The following BCAS3 variants were observed in gnomAD, a reference collection of about 807,000 sequenced individuals.
BCAS3 encodes the protein BCAS4/BCAS3 fusion.
Under a neutral mutation model 116.1 loss-of-function variants are expected in BCAS3, and 53 were observed. The observed-to-expected ratio is 0.46, with a 90% CI of 0.37 to 0.57. The LOEUF (loss-of-function observed/expected upper bound fraction) is 0.57. Among genes scored for constraint, BCAS3 ranks in the 20% least tolerant of loss-of-function variants. The pLI is 0.00. For synonymous variants in BCAS3, 391 were observed against 408.2 expected, an observed-to-expected ratio of 0.96 and a Z score of 0.51; for missense variants, 917 against 1,165.4, an observed-to-expected ratio of 0.79 and a Z score of 3.10.
At chr17:61,147,794 C>T (rs2077315202) in intron 22 of BCAS3, among the ~76,000 whole-genome samples, 1 of 152,066 alleles carries the variant, frequency 6.6e-6, no homozygotes, top group Non-Finnish European at 1.5e-5. Context: ...CAAGACCAGC[C>T]TGACCAACAT....
chr17:61,235,259 T>G lies in BCAS3; in HGVS notation c.2426-133068T>G, dbSNP rs1602084732. Among the ~76,000 whole-genome samples, 1 of 152,170 alleles carries G rather than the reference T, an allele frequency of 6.6e-6. No homozygotes were observed. The highest frequency in any genetic ancestry group is 2.4e-5 in the African/African-American group (1 of 41,440). The stretch of plus-strand genomic sequence containing the variant: ...GGTCTCTTTGAAAAGAGTGGCCAGG[T>G]GAAGGCTGAAGGACCGGATAAGTGT... On this transcript the variant is annotated intron_variant, in intron 22 of 23. Transcript: ENST00000407086. This position sits in a 1 kb window ranked among gnomAD's most constrained non-coding sequence, Gnocchi z 5.0.
At position 61,063,732 on chromosome 17, in the gene BCAS3, A is replaced by G. The variant is rs1252178083; in HGVS notation, c.2030-11188A>G. ...TTAATTTTTCAGTCAGAATTGGGGAAGTGGAACCAATTGAGATATCTTTGG... is the reference window on the plus strand; with the variant it reads ...TTAATTTTTCAGTCAGAATTGGGGAGGTGGAACCAATTGAGATATCTTTGG... On this transcript the variant is annotated intron_variant, in intron 19 of 23. Transcript: ENST00000407086. The surrounding 1 kb of genome is among the most constrained non-coding windows in gnomAD (Gnocchi z 5.3). 1.3e-5 allele frequency among the ~76,000 whole-genome samples: 2 copies of G among 152,180 alleles called. No individual in the cohort carries two copies. Among genetic ancestry groups the G allele is most frequent in the African/African-American group, 4.8e-5 (2 of 41,444 alleles).
intron 5 of BCAS3, among the ~76,000 whole-genome samples, chr17:60,710,495 A>C (rs978681296): frequency 2.0e-5 from 3 of 149,064 alleles, no homozygotes; most frequent in Non-Finnish European, 4.4e-5. Context: ...GCAGTGGCGC[A>C]ATCTCGGCTC....
intron 5 of BCAS3, among the ~76,000 whole-genome samples, chr17:60,734,449 T>G (rs2040768018): frequency 1.3e-5 from 2 of 152,174 alleles, no homozygotes; most frequent in African/African-American, 4.8e-5. Flanking sequence ...ATTTTTTGAG[T>G]TTTAGACTTT....
chr17:61,245,416 A>T (rs1167709142), intron 22 of BCAS3: 1 of 151,860 alleles, frequency 6.6e-6, no homozygotes, highest in Non-Finnish European at 1.5e-5. Context: ...GGGTCTTGTT[A>T]TGTTGCCAAG....
At chr17:60,858,876 CTG>C (rs1332260033) in intron 7 of BCAS3, among the ~76,000 whole-genome samples, 2 of 152,110 alleles carry the variant, frequency 1.3e-5, no homozygotes, top group Non-Finnish European at 2.9e-5. Flanking sequence ...TACTTGCTAT[CTG>C]TATATCTTCT....
intron 9 of BCAS3, among the ~76,000 whole-genome samples, chr17:60,880,540 G>A (rs2056026621): frequency 6.6e-6 from 1 of 152,076 alleles, no homozygotes; most frequent in South Asian, 2.1e-4. Flanking sequence ...CGTCCTCCTT[G>A]GCCTCCGAAA....
At chr17:61,184,753 C>T (rs2079670057) in intron 22 of BCAS3, among the ~76,000 whole-genome samples, 2 of 152,148 alleles carry the variant, frequency 1.3e-5, no homozygotes, top group Admixed American at 6.5e-5. Context: ...TGTTACCTCC[C>T]TACTTAGCAA....
In BCAS3 at chr17:61,390,280, A is replaced by G. The variant is rs1451375618; in HGVS notation, c.2594-1697A>G. The stretch of plus-strand genomic sequence containing the variant: ...TACTCTTGGCTTTACCACCCTCTCC[A>G]TCTCATGGCACGATGGCCTGTCCCC... On this transcript the variant is annotated intron_variant, in intron 23 of 23. Transcript: ENST00000407086. The surrounding 1 kb of genome is among the most constrained non-coding windows in gnomAD (Gnocchi z 6.8). The G allele has an allele frequency of 6.6e-6, 1 of 152,172 alleles. No homozygotes were observed. Among genetic ancestry groups the G allele is most frequent in the Admixed American group, 6.5e-5 (1 of 15,284 alleles). The allele number at this position is 152,172 out of a possible 1,614,324, so 9.4% of individuals were successfully genotyped here. A position where few individuals can be genotyped will look rare whatever the true frequency, so the allele number is the denominator to read the frequency against.
intron 8 of BCAS3, among the ~76,000 whole-genome samples, chr17:60,874,035 C>T (rs141843236): frequency 8.6e-5 from 13 of 151,634 alleles, no homozygotes; most frequent in Admixed American, 3.3e-4. Flanking sequence ...TAGACTTATT[C>T]GATTCAAAAA....
At chr17:60,899,773 G>C (rs2057756842) in intron 10 of BCAS3, 1 of 152,186 alleles carries the variant, frequency 6.6e-6, no homozygotes, top group African/African-American at 2.4e-5. Context: ...TGAGGTTACA[G>C]GTGTGAGCCA....
chr17:60,924,035 T>TA (rs1320975925), intron 12 of BCAS3, among the ~76,000 whole-genome samples: 5 of 152,224 alleles, frequency 3.3e-5, no homozygotes, highest in African/African-American at 1.2e-4. Context: ...GCAGATCGCA[T>TA]AACACAGTAA....
intron 7 of BCAS3, among the ~76,000 whole-genome samples, chr17:60,822,750 G>A (rs781599427): frequency 7.9e-5 from 12 of 152,110 alleles, no homozygotes; most frequent in Non-Finnish European, 1.2e-4. Flanking sequence ...GTGTTCTTGC[G>A]GTGTCCCCTC....
intron 14 of BCAS3, among the ~76,000 whole-genome samples, chr17:60,987,656 C>T (rs571979019): frequency 2.0e-4 from 31 of 152,150 alleles, no homozygotes; most frequent in African/African-American, 6.5e-4. Flanking sequence ...TGTAGAAATG[C>T]TACTGATTGT....
At chr17:60,757,392 ATATGTG>A (rs1358339324) in intron 6 of BCAS3, among the ~76,000 whole-genome samples, 3 of 132,696 alleles carry the variant, frequency 2.3e-5, no homozygotes, top group African/African-American at 6.8e-5. Context: ...GCCAGCATGT[ATATGTG>A]TGTGTGTGTG....
At chr17:60,780,451 C>T (rs1457464594) in intron 6 of BCAS3, among the ~76,000 whole-genome samples, 3 of 151,804 alleles carry the variant, frequency 2.0e-5, no homozygotes, top group Non-Finnish European at 4.4e-5. Flanking sequence ...TATAGGCACC[C>T]GCCACCATGC....
chr17:61,185,879 A>C (rs189744348), intron 22 of BCAS3, among the ~76,000 whole-genome samples: 1 of 152,322 alleles, frequency 6.6e-6, no homozygotes, highest in African/African-American at 2.4e-5. Context: ...TTGGCTAAAA[A>C]TTATAACTTT....
intron 6 of BCAS3, among the ~76,000 whole-genome samples, chr17:60,758,481 A>G (rs1274461879): frequency 6.6e-6 from 1 of 152,032 alleles, no homozygotes; most frequent in African/African-American, 2.4e-5. Context: ...TTCCGGTTCA[A>G]ACAGTTCTTC....
At chr17:61,137,354 T>A (rs549205334) in intron 22 of BCAS3, among the ~76,000 whole-genome samples, 1 of 152,350 alleles carries the variant, frequency 6.6e-6, no homozygotes, top group South Asian at 2.1e-4. Context: ...ATAAGCCACA[T>A]GCCAGCCACA....
Sources: allele counts gnomAD v4.1 joint callset (sites outside exome capture counted in the v4.1 genomes callset), GRCh38; gene constraint gnomAD v4.1.1; non-coding constraint Gnocchi (gnomAD v3.1); transcripts MANE v1.5; gene names NCBI Gene and HGNC (gene_info 2026-07-23, HGNC 2026-07-21).